MED27: variants seen among roughly 807,000 people sequenced by gnomAD.
MED27 encodes mediator complex subunit 27.
In MED27, 30 loss-of-function variants were observed where a neutral mutation model predicts 38.2. The observed-to-expected ratio is 0.79, with a 90% CI of 0.59 to 1.07. MED27 has a LOEUF of 1.07. MED27 is among the 50% of genes least tolerant of loss of function. The probability of loss-of-function intolerance (pLI) is 0.00; values close to 1 mark genes in which losing one functional copy is unlikely to be tolerated. For missense variants in MED27, 289 were observed against 397.5 expected, an observed-to-expected ratio of 0.73 and a Z score of 2.32; for synonymous variants, 122 against 153.5, an observed-to-expected ratio of 0.79 and a Z score of 1.52.
chr9:132,075,395 G>T (rs992115028), intron 2 of MED27, among the ~76,000 whole-genome samples: 2 of 152,136 alleles, frequency 1.3e-5, no homozygotes, highest in Non-Finnish European at 2.9e-5. Context: ...AGCAGGCCGG[G>T]GGCATGGCTA....
intron 3 of MED27, among the ~76,000 whole-genome samples, chr9:132,013,958 C>A (rs1477629725): frequency 6.6e-6 from 1 of 152,128 alleles, no homozygotes; most frequent in African/African-American, 2.4e-5. Context: ...GTAATCCCAG[C>A]ACTTTGGGAG....
chr9:131,883,145 G>A lies in MED27; in HGVS notation c.723+913C>T, dbSNP rs1192094943. On this transcript the variant is annotated intron_variant, in intron 6 of 7. Coordinates refer to ENST00000292035, the MANE Select transcript of MED27 (RefSeq NM_004269.4). This position sits in a 1 kb window ranked among gnomAD's most constrained non-coding sequence, Gnocchi z 4.2. ...TGGTCTTGAACTCCTGACCTCAGGTGATCTGCCTACCTTGGCCTCCCAAAG... is the reference window on the plus strand; with the variant it reads ...TGGTCTTGAACTCCTGACCTCAGGTAATCTGCCTACCTTGGCCTCCCAAAG... Among the ~76,000 whole-genome samples, 1 of 152,196 alleles carries A rather than the reference G, an allele frequency of 6.6e-6. No homozygotes were observed. Among genetic ancestry groups the A allele is most frequent in the African/African-American group, 2.4e-5 (1 of 41,452 alleles).
intron 6 of MED27, among the ~76,000 whole-genome samples, chr9:131,865,776 T>C (rs1838727330): frequency 6.6e-6 from 1 of 152,240 alleles, no homozygotes. Context: ...TTTATTTCTT[T>C]TGTTTTCACA....
chr9:132,046,589 T>C (rs1198233402), intron 2 of MED27, among the ~76,000 whole-genome samples: 1 of 152,156 alleles, frequency 6.6e-6, no homozygotes, highest in Non-Finnish European at 1.5e-5. Flanking sequence ...GCTGAAATCA[T>C]CTGTTGGGTT....
chr9:132,019,125 G>C (rs1364083872), intron 2 of MED27, among the ~76,000 whole-genome samples: 2 of 152,110 alleles, frequency 1.3e-5, no homozygotes, highest in Non-Finnish European at 2.9e-5. Flanking sequence ...TGGGAAAAAC[G>C]CCCAGAAAAG....
chr9:131,969,198 A>C (rs1215235920), intron 3 of MED27, among the ~76,000 whole-genome samples: 1 of 131,868 alleles, frequency 7.6e-6, no homozygotes, highest in Non-Finnish European at 1.6e-5. Context: ...CCTTCTGTCC[A>C]TGGAAATAGT....
intron 3 of MED27, among the ~76,000 whole-genome samples, chr9:131,967,461 A>C (rs1381969525): frequency 6.6e-6 from 1 of 152,050 alleles, no homozygotes; most frequent in East Asian, 1.9e-4. Flanking sequence ...TCTCCAGCTC[A>C]GAAAACACTT....
chr9:132,028,549 T>C (rs938395707), intron 2 of MED27, among the ~76,000 whole-genome samples: 2 of 151,788 alleles, frequency 1.3e-5, no homozygotes, highest in Non-Finnish European at 1.5e-5. Context: ...AGGCATTGCA[T>C]AACTGCACAG....
intron 3 of MED27, among the ~76,000 whole-genome samples, chr9:132,012,481 C>T (rs146149421): frequency 7.9e-5 from 12 of 152,262 alleles, no homozygotes; most frequent in Admixed American, 4.6e-4. Context: ...ATCCTGGAAG[C>T]AAGTGTGAAC....
At chr9:131,936,133 A>T (rs1830679308) in intron 4 of MED27, among the ~76,000 whole-genome samples, 2 of 129,068 alleles carry the variant, frequency 1.5e-5, no homozygotes, top group Non-Finnish European at 3.1e-5. Flanking sequence ...ACCCTGTCTC[A>T]AAAAAAAAAA....
rs1229069502 is a variant in MED27 at position 131,989,012 on chromosome 9, T to C, written c.479+25325A>G. 2.6e-5 allele frequency among the ~76,000 whole-genome samples: 4 copies of C among 152,212 alleles called. No homozygotes were observed. The East Asian group carries it at 5.8e-4, about 22-fold the overall frequency. On this transcript the variant is annotated intron_variant, in intron 3 of 7. Coordinates refer to ENST00000292035, the MANE Select transcript of MED27 (RefSeq NM_004269.4). ...TTGTTCCATAGGTACACGACTGCCATGGTGGCTTGCTGCACCTACCAACCT... is the reference window on the plus strand; with the variant it reads ...TTGTTCCATAGGTACACGACTGCCACGGTGGCTTGCTGCACCTACCAACCT...
intron 2 of MED27, among the ~76,000 whole-genome samples, chr9:132,017,207 A>G (rs564535392): frequency 6.6e-6 from 1 of 152,230 alleles, no homozygotes; most frequent in South Asian, 2.1e-4. Flanking sequence ...TGGATTATAC[A>G]TTATTTAAGC....
chr9:131,932,705 C>T (rs929774233), intron 4 of MED27, among the ~76,000 whole-genome samples: 1 of 152,074 alleles, frequency 6.6e-6, no homozygotes, highest in Non-Finnish European at 1.5e-5. Flanking sequence ...AGAATTAATA[C>T]CAATCCTACT....
At chr9:132,030,745 CA>C (rs1448064522) in intron 2 of MED27, among the ~76,000 whole-genome samples, 1 of 152,200 alleles carries the variant, frequency 6.6e-6, no homozygotes, top group African/African-American at 2.4e-5. Context: ...GTATCAAAAA[CA>C]GGAGCCAGAG....
intron 3 of MED27, among the ~76,000 whole-genome samples, chr9:131,989,922 T>C (rs937507505): frequency 6.6e-6 from 1 of 152,210 alleles, no homozygotes; most frequent in Non-Finnish European, 1.5e-5. Flanking sequence ...CAGCAGAGCC[T>C]TGCTCAAAAT....
At chr9:131,983,150 C>G (rs534675948) in intron 3 of MED27, among the ~76,000 whole-genome samples, 1 of 152,276 alleles carries the variant, frequency 6.6e-6, no homozygotes, top group African/African-American at 2.4e-5. Context: ...CTTCCTCTCT[C>G]TTTACAATCA....
At chr9:131,921,795 G>A (rs1186968876) in intron 4 of MED27, among the ~76,000 whole-genome samples, 1 of 152,128 alleles carries the variant, frequency 6.6e-6, no homozygotes, top group Non-Finnish European at 1.5e-5. Context: ...ACGATAGACT[G>A]GATTAAGAAA....
chr9:131,941,089 T>C (rs1830777374), intron 3 of MED27, among the ~76,000 whole-genome samples: 1 of 152,174 alleles, frequency 6.6e-6, no homozygotes, highest in Non-Finnish European at 1.5e-5. Flanking sequence ...TAGCACTGAG[T>C]AGGGTCTGGC....
rs1211176521 is a variant in MED27, at chr9:131,912,068, G to C, written c.574-18076C>G. 3.3e-5 allele frequency among the ~76,000 whole-genome samples: 5 copies of C among 152,246 alleles called. No individual in the cohort carries two copies. In the South Asian group the frequency reaches 8.3e-4, roughly 25 times the overall value. On this transcript the variant is annotated intron_variant, in intron 4 of 7. Transcript: ENST00000292035. ...AGGGGGCTAAGCCTACCACCCCGAG[G>C]AACTGAGACTCTATATTAAACTATA...
Sources: allele counts gnomAD v4.1 joint callset (sites outside exome capture counted in the v4.1 genomes callset), GRCh38; gene constraint gnomAD v4.1.1; non-coding constraint Gnocchi (gnomAD v3.1); transcripts MANE v1.5; gene names NCBI Gene and HGNC (gene_info 2026-07-23, HGNC 2026-07-21).